Variants in GRIK2 observed in about 807,000 individuals in gnomAD.
The protein encoded by GRIK2 is glutamate receptor ionotropic, kainate 2.
A neutral mutation model predicts 100.3 loss-of-function variants in GRIK2; 32 were observed. That is an observed-to-expected ratio of 0.32 (90% confidence interval 0.24 to 0.43). The LOEUF (loss-of-function observed/expected upper bound fraction) is 0.43. GRIK2 is among the 20% of genes least tolerant of loss of function. The pLI is 1.00. For missense variants in GRIK2, 843 were observed against 1,114.9 expected (o/e 0.76, Z 3.47); for synonymous variants, 417 against 389.4 (o/e 1.07, Z -0.83).
intron 2 of GRIK2, among the ~76,000 whole-genome samples, chr6:101,566,587 CT>C (rs1330521047): frequency 2.0e-5 from 3 of 151,520 alleles, no homozygotes; most frequent in Non-Finnish European, 4.4e-5. Context: ...GAAACAACAA[CT>C]TTACTAATGT....
chr6:101,657,972 A>G (rs915124169), intron 4 of GRIK2, among the ~76,000 whole-genome samples: 8 of 152,142 alleles, frequency 5.3e-5, no homozygotes, highest in Non-Finnish European at 8.8e-5. Context: ...TTCTATTAGT[A>G]ACTTGGACTA....
chr6:101,538,578 G>T (rs998241550), intron 2 of GRIK2, among the ~76,000 whole-genome samples: 1 of 150,948 alleles, frequency 6.6e-6, no homozygotes, highest in Non-Finnish European at 1.5e-5. Context: ...TATTTTGTGA[G>T]TCAGTAATAT....
rs117878056 is a variant in GRIK2 at position 101,997,598 on chromosome 6, T to C, written c.2086-37743T>C. Among the ~76,000 whole-genome samples, 572 of 152,220 alleles carry C rather than the reference T, an allele frequency of 3.8e-3. 2 individuals carry two copies. Among genetic ancestry groups the C allele is most frequent in the Non-Finnish European group, 5.5e-3 (377 of 67,984 alleles). ...CCTGCTGTCAGAAACTATCCTTTAA[T>C]AAGAGTCACCACACAGTGTTAATTC... On this transcript the variant is annotated intron_variant, in intron 14 of 16. Transcript: ENST00000369134.
chr6:102,028,636 A>G (rs1450992572), intron 14 of GRIK2, among the ~76,000 whole-genome samples: 3 of 151,106 alleles, frequency 2.0e-5, no homozygotes, highest in Non-Finnish European at 4.5e-5. Context: ...TTCATGCAAT[A>G]TCTCTGAGAC....
At chr6:101,758,948 A>C (rs575909791) in intron 7 of GRIK2, among the ~76,000 whole-genome samples, 2 of 152,270 alleles carry the variant, frequency 1.3e-5, no homozygotes, top group South Asian at 4.1e-4. Context: ...AAATCATATC[A>C]CCATTATGGC....
At chr6:101,737,470 AAGAG>A (rs897603421) in intron 7 of GRIK2, among the ~76,000 whole-genome samples, 1 of 152,178 alleles carries the variant, frequency 6.6e-6, no homozygotes, top group African/African-American at 2.4e-5. Context: ...GGCAGGCAAA[AAGAG>A]AGAGCTTGTG....
At chr6:101,591,289 T>C (rs1050143374) in intron 2 of GRIK2, among the ~76,000 whole-genome samples, 45 of 145,606 alleles carry the variant, frequency 3.1e-4, no homozygotes, top group Non-Finnish European at 4.7e-4. Context: ...ATTTCTCTCC[T>C]TTTTTTTTTG....
Position 102,055,994 on chromosome 6 carries a change from T to G in GRIK2, c.2562+414T>G, listed in dbSNP as rs943163474. Among the ~76,000 whole-genome samples, 9 of 151,818 alleles carry G rather than the reference T, an allele frequency of 5.9e-5. No individual in the cohort carries two copies. The South Asian group carries it at 1.9e-3, about 32-fold the overall frequency. On this transcript the variant is annotated intron_variant, in intron 16 of 16. Coordinates refer to ENST00000369134, the MANE Select transcript of GRIK2 (RefSeq NM_021956.5). ...ATGAGGTTTTATATACAATATGGGT[T>G]AACAGTTTCAAGTTAGAGAGTAAGT...
chr6:101,526,231 A>T (rs1428866467), intron 2 of GRIK2, among the ~76,000 whole-genome samples: 1 of 152,134 alleles, frequency 6.6e-6, no homozygotes, highest in Non-Finnish European at 1.5e-5. Flanking sequence ...TTAATAGGGT[A>T]TTGATTTGCT....
At chr6:101,594,521 T>A (rs1316547888) in intron 2 of GRIK2, among the ~76,000 whole-genome samples, 1 of 151,784 alleles carries the variant, frequency 6.6e-6, no homozygotes, top group Non-Finnish European at 1.5e-5. Flanking sequence ...ATATAGCATA[T>A]GTTTGAGAAA....
At chr6:101,478,145 A>T (rs889837881) in intron 2 of GRIK2, among the ~76,000 whole-genome samples, 1 of 152,218 alleles carries the variant, frequency 6.6e-6, no homozygotes, top group Admixed American at 6.5e-5. Context: ...ATTTATTAAC[A>T]ATTAGGAAAA....
intron 11 of GRIK2, among the ~76,000 whole-genome samples, chr6:101,861,183 T>A (rs2128443933): frequency 6.6e-6 from 1 of 152,304 alleles, no homozygotes; most frequent in South Asian, 2.1e-4. Flanking sequence ...ATATAGGAAT[T>A]TTCTAACACA....
chr6:101,939,662 T>G (rs1281453815), intron 14 of GRIK2, among the ~76,000 whole-genome samples: 1 of 152,142 alleles, frequency 6.6e-6, no homozygotes, highest in Non-Finnish European at 1.5e-5. Context: ...AAAACGGATT[T>G]TATTATTTTA....
intron 14 of GRIK2, among the ~76,000 whole-genome samples, chr6:102,008,368 G>A (rs935902598): frequency 6.6e-6 from 1 of 152,084 alleles, no homozygotes; most frequent in Admixed American, 6.6e-5. Context: ...ATAGGCATAA[G>A]CTGTTTGATG....
At chr6:102,061,004 G>T (rs1771724452) in intron 16 of GRIK2, among the ~76,000 whole-genome samples, 1 of 150,278 alleles carries the variant, frequency 6.7e-6, no homozygotes, top group Non-Finnish European at 1.5e-5. Context: ...TTCTTTGAGA[G>T]CTGAGTGTCT....
At chr6:101,735,312 C>G (rs1026953474) in intron 7 of GRIK2, among the ~76,000 whole-genome samples, 1 of 152,060 alleles carries the variant, frequency 6.6e-6, no homozygotes, top group Non-Finnish European at 1.5e-5. Context: ...TTTTTTTTGG[C>G]TCCTATTGTA....
intron 2 of GRIK2, among the ~76,000 whole-genome samples, chr6:101,580,134 A>C (rs759022896): frequency 6.6e-6 from 1 of 152,066 alleles, no homozygotes; most frequent in Non-Finnish European, 1.5e-5. Flanking sequence ...ATGACTTCCT[A>C]ATTAGTATCT....
intron 14 of GRIK2, among the ~76,000 whole-genome samples, chr6:101,931,743 A>G (rs1473072514): frequency 6.6e-6 from 1 of 152,172 alleles, no homozygotes; most frequent in Non-Finnish European, 1.5e-5. Flanking sequence ...AAATAATTCA[A>G]AATAGGAGAT....
chr6:101,812,053 A>G (rs886763061), intron 9 of GRIK2, among the ~76,000 whole-genome samples: 4 of 151,518 alleles, frequency 2.6e-5, no homozygotes, highest in African/African-American at 9.7e-5. Flanking sequence ...TAATTAGGAA[A>G]AAATGGAAAT....
Sources: allele counts gnomAD v4.1 joint callset (sites outside exome capture counted in the v4.1 genomes callset), GRCh38; gene constraint gnomAD v4.1.1; transcripts MANE v1.5; gene names NCBI Gene and HGNC (gene_info 2026-07-23, HGNC 2026-07-21).